Variants in KHDRBS2 observed in about 807,000 individuals in gnomAD.
KHDRBS2 encodes the protein KH RNA binding domain containing, signal transduction associated 2.
Under a neutral mutation model 44.3 loss-of-function variants are expected in KHDRBS2, and 26 were observed. The ratio of observed to expected loss-of-function variants is 0.59; its 90% confidence interval spans 0.43 to 0.81. KHDRBS2 has a LOEUF of 0.81. Ranked by LOEUF, KHDRBS2 falls within the 40% of genes least tolerant of loss-of-function variation. KHDRBS2 has a pLI of 0.00. For missense variants in KHDRBS2, 476 were observed against 433.1 expected (o/e 1.10, Z -0.88); for synonymous variants, 194 against 151.1 (o/e 1.28, Z -2.08).
At chr6:62,055,927 T>G (rs1036580088) in intron 2 of KHDRBS2, among the ~76,000 whole-genome samples, 1 of 151,994 alleles carries the variant, frequency 6.6e-6, no homozygotes, top group African/African-American at 2.4e-5. Context: ...AAATTCCCAG[T>G]TCTTGGTCTT....
chr6:61,583,584 T>G, the KHDRBS2 span, among the ~76,000 whole-genome samples: 5 of 151,810 alleles, frequency 3.3e-5, no homozygotes, highest in Non-Finnish European at 5.9e-5. Flanking sequence ...TATTTGTTCA[T>G]CCTTTGCCAC....
chr6:62,169,177 A>ATACGTACACATATATGTG (rs1562992051), intron 2 of KHDRBS2, among the ~76,000 whole-genome samples: 2 of 136,078 alleles, frequency 1.5e-5, no homozygotes, highest in Non-Finnish European at 3.2e-5. Flanking sequence ...ATATGTATAT[A>ATACGTACACATATATGTG]TGTATATATA....
chr6:61,717,135 T>C (rs1771571455), intron 7 of KHDRBS2, among the ~76,000 whole-genome samples: 1 of 152,044 alleles, frequency 6.6e-6, no homozygotes, highest in African/African-American at 2.4e-5. Context: ...TCATAAAAAC[T>C]ATTTTAATGG....
chr6:61,954,589 T>G (rs911157477), intron 4 of KHDRBS2, among the ~76,000 whole-genome samples: 2 of 139,148 alleles, frequency 1.4e-5, no homozygotes, highest in African/African-American at 5.5e-5. Flanking sequence ...CATATTTATG[T>G]ATATATACAC....
chr6:62,260,724 G>A (rs1838202258), intron 1 of KHDRBS2, among the ~76,000 whole-genome samples: 1 of 151,840 alleles, frequency 6.6e-6, no homozygotes, highest in African/African-American at 2.4e-5. Flanking sequence ...AATCACTTTA[G>A]GAAGAGTCTC....
intron 2 of KHDRBS2, among the ~76,000 whole-genome samples, chr6:62,073,901 T>A (rs1344597068): frequency 6.6e-6 from 1 of 151,788 alleles, no homozygotes; most frequent in Admixed American, 6.6e-5. Flanking sequence ...GAACGGCAGA[T>A]CACTTTGGAT....
intron 6 of KHDRBS2, among the ~76,000 whole-genome samples, chr6:61,887,729 T>G (rs1801177613): frequency 6.6e-6 from 1 of 152,212 alleles, no homozygotes; most frequent in Non-Finnish European, 1.5e-5. Flanking sequence ...AAATTTTATC[T>G]GAAAGTTAAG....
chr6:62,175,982 A>C (rs1174254551), intron 2 of KHDRBS2, among the ~76,000 whole-genome samples: 1 of 151,438 alleles, frequency 6.6e-6, no homozygotes, highest in Non-Finnish European at 1.5e-5. Context: ...TGTTATTCCA[A>C]GAAACATCAT....
chr6:61,549,175 A>T, the KHDRBS2 span, among the ~76,000 whole-genome samples: 2 of 152,072 alleles, frequency 1.3e-5, no homozygotes, highest in Non-Finnish European at 2.9e-5. Context: ...ATGAAAATAG[A>T]TATTGGAAAA....
At chr6:61,983,814 T>C (rs1774476364) in intron 3 of KHDRBS2, among the ~76,000 whole-genome samples, 2 of 152,204 alleles carry the variant, frequency 1.3e-5, no homozygotes, top group South Asian at 2.1e-4. Flanking sequence ...AGGTGTACTG[T>C]AAAGACAAGG....
At chr6:61,868,896 T>C (rs570675198) in intron 6 of KHDRBS2, among the ~76,000 whole-genome samples, 2 of 152,212 alleles carry the variant, frequency 1.3e-5, no homozygotes, top group South Asian at 2.1e-4. Context: ...AGGTCCTGGG[T>C]CTCTGTGCTT....
At chr6:61,773,949 G>C (rs1478313691) in intron 6 of KHDRBS2, among the ~76,000 whole-genome samples, 2 of 152,116 alleles carry the variant, frequency 1.3e-5, no homozygotes, top group African/African-American at 4.8e-5. Context: ...AGATCAGATA[G>C]TTGTAGATAA....
intron 4 of KHDRBS2, among the ~76,000 whole-genome samples, chr6:61,948,431 T>C (rs1764040444): frequency 6.6e-6 from 1 of 152,040 alleles, no homozygotes; most frequent in African/African-American, 2.4e-5. Flanking sequence ...ACTTTTGCCA[T>C]TGGGTAGTCA....
chr6:62,074,114 C>T (rs1440781926), intron 2 of KHDRBS2, among the ~76,000 whole-genome samples: 1 of 151,836 alleles, frequency 6.6e-6, no homozygotes, highest in Non-Finnish European at 1.5e-5. Context: ...TGAGAGCATT[C>T]CCCAAACCAC....
intron 5 of KHDRBS2, among the ~76,000 whole-genome samples, chr6:61,898,335 C>T (rs535651080): frequency 4.0e-5 from 6 of 151,738 alleles, no homozygotes; most frequent in African/African-American, 1.2e-4. Flanking sequence ...TATATAGTAT[C>T]GAGCACTTAC....
At chr6:61,689,594 G>T (rs1767175423) in intron 8 of KHDRBS2, among the ~76,000 whole-genome samples, 2 of 152,006 alleles carry the variant, frequency 1.3e-5, no homozygotes, top group South Asian at 2.1e-4. Flanking sequence ...ACCTATCTGT[G>T]CCAGAACTTC....
the KHDRBS2 span, among the ~76,000 whole-genome samples, chr6:61,643,818 A>G: frequency 6.6e-6 from 1 of 152,158 alleles, no homozygotes; most frequent in Admixed American, 6.6e-5. Context: ...ACACAAACAA[A>G]TGAAAACACA....
At chr6:62,226,304 T>C (rs1831811003) in intron 1 of KHDRBS2, among the ~76,000 whole-genome samples, 1 of 152,248 alleles carries the variant, frequency 6.6e-6, no homozygotes, top group Non-Finnish European at 1.5e-5. Flanking sequence ...TTGAGCTTTT[T>C]ATCATATGTT....
At chr6:62,084,154 C>T (rs1194629142) in intron 2 of KHDRBS2, among the ~76,000 whole-genome samples, 7 of 152,054 alleles carry the variant, frequency 4.6e-5, no homozygotes, top group Non-Finnish European at 8.8e-5. Flanking sequence ...CAGATGCTTC[C>T]TGTCTACCTT....
Sources: allele counts gnomAD v4.1 joint callset (sites outside exome capture counted in the v4.1 genomes callset), GRCh38; gene constraint gnomAD v4.1.1; transcripts MANE v1.5; gene names NCBI Gene and HGNC (gene_info 2026-07-23, HGNC 2026-07-21).